Variants in PTPRD observed in about 807,000 individuals in gnomAD.
The protein encoded by PTPRD is protein tyrosine phosphatase receptor type D, also known as receptor-type tyrosine-protein phosphatase delta.
In PTPRD, 34 loss-of-function variants were observed where a neutral mutation model predicts 214.5. That is an observed-to-expected ratio of 0.16 (90% CI 0.12 to 0.21). The LOEUF (loss-of-function observed/expected upper bound fraction) is 0.21, where lower values mean the gene tolerates loss of function less well. Among genes scored for constraint, PTPRD ranks in the 10% least tolerant of loss-of-function variants. The pLI is 1.00. For missense variants in PTPRD, 2,545 were observed against 2,398.7 expected (o/e 1.06, Z -1.27); for synonymous variants, 1,128 against 845.7 (o/e 1.33, Z -5.79).
intron 6 of PTPRD, among the ~76,000 whole-genome samples, chr9:9,758,375 T>G (rs913744135): frequency 6.6e-6 from 1 of 152,118 alleles, no homozygotes; most frequent in Non-Finnish European, 1.5e-5. Flanking sequence ...GACTGCTATA[T>G]GCCCACCTGT....
intron 4 of PTPRD, among the ~76,000 whole-genome samples, chr9:9,955,930 A>G (rs2093892709): frequency 6.6e-6 from 1 of 152,190 alleles, no homozygotes; most frequent in African/African-American, 2.4e-5. Context: ...CTACTCAATA[A>G]AGAGTTATCA....
At chr9:9,062,539 C>T (rs751809891) in intron 10 of PTPRD, among the ~76,000 whole-genome samples, 2 of 147,102 alleles carry the variant, frequency 1.4e-5, no homozygotes, top group Non-Finnish European at 3.0e-5. Context: ...TTTTCTATCT[C>T]TGCATCTCTC....
At chr9:8,457,810 C>T (rs1355281603) in intron 33 of PTPRD, among the ~76,000 whole-genome samples, 1 of 151,984 alleles carries the variant, frequency 6.6e-6, no homozygotes. Context: ...AATAATAATA[C>T]TTTCAATTCT....
chr9:9,352,906 T>C (rs546094456), intron 9 of PTPRD, among the ~76,000 whole-genome samples: 2 of 152,110 alleles, frequency 1.3e-5, no homozygotes, highest in South Asian at 2.1e-4. Flanking sequence ...AGTGTTTTTA[T>C]AGAAAACGCT....
intron 2 of PTPRD, among the ~76,000 whole-genome samples, chr9:10,483,793 G>A (rs1230153507): frequency 9.2e-5 from 14 of 152,156 alleles, no homozygotes; most frequent in Non-Finnish European, 1.5e-5. Context: ...TGGCACGGAT[G>A]TGGTGCAAAG....
chr9:9,676,530 T>A (rs1329317890), intron 7 of PTPRD, among the ~76,000 whole-genome samples: 1 of 152,128 alleles, frequency 6.6e-6, no homozygotes, highest in East Asian at 1.9e-4. Flanking sequence ...CTACCATTGA[T>A]GGACATTTGG....
intron 12 of PTPRD, among the ~76,000 whole-genome samples, chr9:8,705,334 C>G (rs138550537): frequency 0.012 from 1,882 of 152,284 alleles, 24 homozygotes; most frequent in South Asian, 0.027. Flanking sequence ...ATTCTCCTGC[C>G]TCAGCCTCCC....
rs149960741 is a variant in PTPRD, at chr9:8,636,515, C to T, written c.210+184G>A. Reference sequence around the variant, plus strand: ...GCACAAGTAGAAACAAAAATCAGCCCTTGAACCCCCAAATTTCCTTTTTTA... The same window carrying T: ...GCACAAGTAGAAACAAAAATCAGCCTTTGAACCCCCAAATTTCCTTTTTTA... On this transcript the variant is annotated intron_variant, in intron 13 of 45. Transcript: ENST00000381196. Among the ~76,000 whole-genome samples the T allele has an allele frequency of 2.0e-5, 3 of 152,238 alleles. No individual in the cohort carries two copies. The East Asian group carries it at 5.8e-4, about 29-fold the overall frequency.
chr9:9,856,192 C>T (rs968944634), intron 5 of PTPRD, among the ~76,000 whole-genome samples: 1 of 152,136 alleles, frequency 6.6e-6, no homozygotes, highest in Non-Finnish European at 1.5e-5. Context: ...AGTCAAGCCG[C>T]TTCTGACATC....
At chr9:8,669,289 C>T (rs1021897586) in intron 12 of PTPRD, among the ~76,000 whole-genome samples, 1 of 152,110 alleles carries the variant, frequency 6.6e-6, no homozygotes, top group Non-Finnish European at 1.5e-5. Context: ...TACTCCCCCT[C>T]CACTATGGAG....
At chr9:10,508,554 C>A (rs1424163602) in intron 2 of PTPRD, among the ~76,000 whole-genome samples, 1 of 152,110 alleles carries the variant, frequency 6.6e-6, no homozygotes, top group Non-Finnish European at 1.5e-5. Context: ...CCCAAATGGC[C>A]ATCAATAATA....
chr9:9,589,803 A>G (rs2154324785), intron 7 of PTPRD, among the ~76,000 whole-genome samples: 1 of 152,180 alleles, frequency 6.6e-6, no homozygotes, highest in South Asian at 2.1e-4. Flanking sequence ...TGTGGTAAAC[A>G]CACATAGTAG....
chr9:8,411,414 C>T (rs1194490579), intron 35 of PTPRD, among the ~76,000 whole-genome samples: 3 of 152,040 alleles, frequency 2.0e-5, no homozygotes, highest in African/African-American at 7.2e-5. Context: ...AGCAATTCTC[C>T]TGCCTCAGCC....
At position 8,485,977 on chromosome 9, in the gene PTPRD, C is replaced by T. The variant is rs2135933380; in HGVS notation, c.2840G>A (p.Arg947Lys). ...GGTATACTTGGTGATAATGCCATTT[C>T]TCTCTGCCAGGACAGGTGGTTGCCA... is the stretch of plus-strand genomic sequence containing the variant. ...LSWQPPVLAE[R>K]NGIITKYTLL... is the part of the protein sequence containing the mutation. The change falls in exon 28 of 46, where the codon AGA becomes AAA. Residue 947 changes from arginine (R) to lysine (K), a missense_variant. By Grantham distance (26) the Arg-to-Lys change is conservative. Coordinates refer to ENST00000381196, the MANE Select transcript of PTPRD (RefSeq NM_002839.4). 1 of 1,614,180 alleles carries T rather than the reference C, an allele frequency of 6.2e-7. No homozygotes were observed. Among genetic ancestry groups the T allele is most frequent in the South Asian group, 1.1e-5 (1 of 91,086 alleles).
intron 7 of PTPRD, among the ~76,000 whole-genome samples, chr9:9,668,781 G>T (rs1335725926): frequency 2.0e-5 from 3 of 151,972 alleles, no homozygotes; most frequent in Non-Finnish European, 4.4e-5. Context: ...AAAAATTCAG[G>T]ACACTGGTGT....
chr9:9,853,497 G>A (rs2060938895), intron 5 of PTPRD, among the ~76,000 whole-genome samples: 1 of 152,022 alleles, frequency 6.6e-6, no homozygotes, highest in Non-Finnish European at 1.5e-5. Context: ...AGTGGTAGTG[G>A]CTTATGCAAC....
chr9:8,390,198 G>C (rs1046874690), intron 36 of PTPRD, among the ~76,000 whole-genome samples: 10 of 152,108 alleles, frequency 6.6e-5, no homozygotes, highest in Admixed American at 2.0e-4. Flanking sequence ...ATTTATTTCA[G>C]ACACTGTAAC....
At chr9:9,660,561 A>T (rs2154379565) in intron 7 of PTPRD, among the ~76,000 whole-genome samples, 1 of 152,116 alleles carries the variant, frequency 6.6e-6, no homozygotes, top group African/African-American at 2.4e-5. Context: ...TAACTCTATC[A>T]CAAGTTATTT....
chr9:9,130,209 C>T (rs968601633), intron 10 of PTPRD, among the ~76,000 whole-genome samples: 3 of 151,904 alleles, frequency 2.0e-5, no homozygotes, highest in African/African-American at 7.3e-5. Context: ...AGGAGTAAGT[C>T]CAGATCTTGA....
Sources: allele counts gnomAD v4.1 joint callset (sites outside exome capture counted in the v4.1 genomes callset), GRCh38; gene constraint gnomAD v4.1.1; transcripts MANE v1.5; gene names NCBI Gene and HGNC (gene_info 2026-07-23, HGNC 2026-07-21).